The following STARD9 variants were observed in gnomAD, a reference collection of about 807,000 sequenced individuals.
STARD9 encodes StAR related lipid transfer domain containing 9.
STARD9 carries 346 observed loss-of-function variants against 399.8 expected under a neutral mutation model. The ratio of observed to expected loss-of-function variants is 0.87; its 90% CI spans 0.79 to 0.95. The LOEUF (loss-of-function observed/expected upper bound fraction) is 0.95, where lower values mean the gene tolerates loss of function less well. Ranked by LOEUF, STARD9 falls within the 40% of genes least tolerant of loss-of-function variation. STARD9 has a pLI of 0.00. For synonymous variants in STARD9, 2,203 were observed against 2,143.5 expected (o/e 1.03, Z -0.77); for missense variants, 5,832 against 5,667.5 (o/e 1.03, Z -0.93).
chr15:42,650,018 C>T (rs1216623866), intron 7 of STARD9, among the ~76,000 whole-genome samples: 1 of 151,910 alleles, frequency 6.6e-6, no homozygotes, highest in Admixed American at 6.6e-5. Context: ...AGGCATGCAC[C>T]AACACACCCA....
chr15:42,639,786 C>T (rs1246694731), intron 7 of STARD9, among the ~76,000 whole-genome samples: 1 of 151,886 alleles, frequency 6.6e-6, no homozygotes, highest in Non-Finnish European at 1.5e-5. Flanking sequence ...ATCACTTAAA[C>T]CTGGGAGGCA....
At chr15:42,718,614 C>A in intron 31 of STARD9, 100 bp downstream of exon 31, 2 of 1,427,718 alleles carry the variant, frequency 1.4e-6, no homozygotes, top group South Asian at 1.2e-5. Flanking sequence ...GGAAGGAGGG[C>A]AAATTGGGGC....
At chr15:42,662,643 C>T in intron 10 of STARD9, 151 bp from the exon 11 acceptor site, 1 of 516,916 alleles carries the variant, frequency 1.9e-6, no homozygotes, top group Non-Finnish European at 3.4e-6. Context: ...AAAATGGTAA[C>T]ATTTTCTTCT....
chr15:42,717,368 G>A (rs2061369711), intron 28 of STARD9, among the ~76,000 whole-genome samples: 1 of 152,014 alleles, frequency 6.6e-6, no homozygotes, highest in Non-Finnish European at 1.5e-5. Context: ...CACACCTGTA[G>A]TCTCAGCACT....
At chr15:42,716,143 TGTG>T (rs2061345380) in intron 26 of STARD9, among the ~76,000 whole-genome samples, 1 of 151,944 alleles carries the variant, frequency 6.6e-6, no homozygotes, top group African/African-American at 2.4e-5. Context: ...GCGGTGGAGG[TGTG>T]GTGACCACAT....
chr15:42,642,794 T>A (rs1484266069), intron 7 of STARD9, among the ~76,000 whole-genome samples: 2 of 152,306 alleles, frequency 1.3e-5, no homozygotes, highest in East Asian at 3.9e-4. Flanking sequence ...ACCAGTTTTT[T>A]TTGTGGTGGT....
chr15:42,691,830 A>T lies in STARD9; in HGVS notation c.10252A>T (p.Thr3418Ser). Residue 3418 changes from threonine to serine, a missense_variant, in exon 23 of 33, where the codon ACC becomes TCC. By Grantham distance (58) the Thr-to-Ser change is moderately conservative (BLOSUM62 1). Around this residue, in one of 2 missense-constraint regions of STARD9, gnomAD observed 5,828 missense variants for 5,651.1 expected, o/e 1.03. Transcript: ENST00000290607. ...PMPSTLSHMPTPDFTTSWMSG... is the reference protein window; with the variant it reads ...PMPSTLSHMPSPDFTTSWMSG... ...GCCTTCCACTCTCTCACACATGCCA[A>T]CCCCTGATTTCACGACCAGCTGGAT... 6.5e-7 allele frequency: 1 copy of T among 1,537,158 alleles called. No individual in the cohort carries two copies. Among genetic ancestry groups the T allele is most frequent in the Non-Finnish European group, 8.7e-7 (1 of 1,146,894 alleles).
intron 16 of STARD9, chr15:42,673,945 T>TC (rs1394441970): frequency 4.4e-6 from 2 of 456,414 alleles, no homozygotes; most frequent in Admixed American, 4.7e-5. Context: ...CTGTTAAACT[T>TC]CATCTGCGGA....
chr15:42,618,614 A>AT (rs906651149), intron 3 of STARD9, among the ~76,000 whole-genome samples: 1 of 150,850 alleles, frequency 6.6e-6, no homozygotes, highest in African/African-American at 2.4e-5. Context: ...TTATTTATTT[A>AT]TTTTTTTGAA....
chr15:42,705,499 T>C (rs2061056716), intron 26 of STARD9, among the ~76,000 whole-genome samples: 1 of 152,088 alleles, frequency 6.6e-6, no homozygotes, highest in South Asian at 2.1e-4. Context: ...TGTGGCGCCA[T>C]CTTGACTCAC....
chr15:42,603,003 G>A (rs1346524701), intron 3 of STARD9, among the ~76,000 whole-genome samples: 3 of 152,122 alleles, frequency 2.0e-5, no homozygotes, highest in African/African-American at 7.2e-5. Flanking sequence ...GATCCTTGCT[G>A]CTACTTGCTG....
intron 9 of STARD9, among the ~76,000 whole-genome samples, chr15:42,660,481 T>C (rs940726055): frequency 4.6e-5 from 7 of 151,470 alleles, no homozygotes; most frequent in African/African-American, 1.7e-4. Flanking sequence ...GGAGAATCAC[T>C]TGAACTTGGG....
At chr15:42,659,930 T>A (rs533820431) in intron 9 of STARD9, among the ~76,000 whole-genome samples, 1 of 152,312 alleles carries the variant, frequency 6.6e-6, no homozygotes, top group East Asian at 1.9e-4. Flanking sequence ...TATCCATAAC[T>A]GTTATTTGTA....
Position 42,686,803 on chromosome 15 carries a change from C to T in STARD9, c.5225C>T (p.Pro1742Leu), listed in dbSNP as rs755068921. 6 of 1,537,084 alleles carry T rather than the reference C, an allele frequency of 3.9e-6. No individual in the cohort carries two copies. Among genetic ancestry groups the T allele is most frequent in the East Asian group, 2.4e-5 (1 of 40,932 alleles). The change falls in exon 23 of 33, where the codon CCA (proline) becomes CTA (leucine). Residue 1742 changes from proline to leucine, a missense_variant. This residue lies in a region of STARD9 where 5,828 missense variants were observed against 5,651.1 expected (regional missense o/e 1.03). Coordinates refer to ENST00000290607, the MANE Select transcript of STARD9 (RefSeq NM_020759.3). ...WNPLSSSLQP[P>L]LLETFYVTKS... ...CCATTGTCATCTTCCCTGCAGCCCCCACTCTTGGAAACATTCTATGTGACC... is the reference window on the plus strand; with the variant it reads ...CCATTGTCATCTTCCCTGCAGCCCCTACTCTTGGAAACATTCTATGTGACC...
At position 42,689,874 on chromosome 15, in the gene STARD9, C is replaced by T. The variant is rs2060649263; in HGVS notation, c.8296C>T (p.Gln2766Ter). The change falls in exon 23 of 33, where the codon CAG becomes TAG. Residue 2766 changes from glutamine to a stop codon, truncating the protein, a stop_gained. Transcript: ENST00000290607. LOFTEE classifies it high-confidence loss of function. ...GCATGAGCTAAGTCAGTCAGTTCCG[C>T]AGGAGACTGCAGAGGGCATACCCCC... ...TLHELSQSVP[Q>*]ETAEGIPPGS... The T allele has an allele frequency of 1.3e-6, 2 of 1,537,498 alleles. No homozygotes were observed. Among genetic ancestry groups the T allele is most frequent in the Non-Finnish European group, 8.7e-7 (1 of 1,146,994 alleles).
intron 26 of STARD9, among the ~76,000 whole-genome samples, chr15:42,704,808 T>C (rs2061040859): frequency 6.6e-6 from 1 of 152,202 alleles, no homozygotes; most frequent in South Asian, 2.1e-4. Context: ...GGTGTCTTTC[T>C]CTGTACCATG....
chr15:42,711,122 C>T (rs947177232), intron 26 of STARD9, among the ~76,000 whole-genome samples: 26 of 151,526 alleles, frequency 1.7e-4, no homozygotes, highest in Admixed American at 6.6e-5. Flanking sequence ...AAATTACCAT[C>T]GTAAGCTACC....
intron 26 of STARD9, among the ~76,000 whole-genome samples, chr15:42,697,968 A>G (rs1445030634): frequency 1.3e-5 from 2 of 152,156 alleles, no homozygotes; most frequent in Non-Finnish European, 2.9e-5. Flanking sequence ...CTTGGAAGGT[A>G]TCCTCCTAGG....
chr15:42,669,554 G>A, intron 16 of STARD9: 1 of 407,480 alleles, frequency 2.5e-6, no homozygotes, highest in Non-Finnish European at 4.4e-6. Flanking sequence ...CAGAACAATT[G>A]TTTTTCAACT....
Sources: gnomAD v4.1 joint callset for allele counts (sites outside exome capture counted in the v4.1 genomes callset) on GRCh38, gnomAD v4.1.1 for gene constraint, gnomAD v4.1.1 regional missense constraint, MANE v1.5 for transcripts, NCBI Gene and HGNC (gene_info 2026-07-23, HGNC 2026-07-21) for gene names.